Variants in FNDC3A observed in about 807,000 individuals in gnomAD.
FNDC3A encodes fibronectin type III domain containing 3A.
A neutral mutation model predicts 148.9 loss-of-function variants in FNDC3A; 32 were observed. The ratio of observed to expected loss-of-function variants is 0.21; its 90% confidence interval spans 0.16 to 0.29. The LOEUF is 0.29. Ranked by LOEUF, FNDC3A falls within the 10% of genes least tolerant of loss-of-function variation. The pLI, the probability that FNDC3A is intolerant of heterozygous loss-of-function variation, is 1.00. For missense variants in FNDC3A, 1,191 were observed against 1,452.8 expected (o/e 0.82, Z 2.93); for synonymous variants, 472 against 473.6 (o/e 1.00, Z 0.04).
At chr13:49,108,573 A>G (rs947220887) in intron 3 of FNDC3A, among the ~76,000 whole-genome samples, 1 of 151,964 alleles carries the variant, frequency 6.6e-6, no homozygotes, top group Non-Finnish European at 1.5e-5. Context: ...TTTATAATGG[A>G]AAAAAACTTT....
chr13:49,131,298 A>G lies in FNDC3A; in HGVS notation c.414A>G (p.Ser138=), dbSNP rs750775139. ...CGCCTCCACCACGTCATATGTACTC[A>G]CCCGTGACTGGAGCTGGAGACATGA... ...MMPPPPRHMY[S]PVTGAGDMTT... The change falls in exon 5 of 26, where the codon TCA becomes TCG. Residue 138 remains serine, a synonymous_variant. Transcript: ENST00000492622. 2 of 1,613,922 alleles carry G rather than the reference A, an allele frequency of 1.2e-6. No homozygotes were observed. Among genetic ancestry groups the G allele is most frequent in the Non-Finnish European group, 1.7e-6 (2 of 1,179,956 alleles).
intron 14 of FNDC3A, among the ~76,000 whole-genome samples, chr13:49,184,792 C>CG (rs1885483205): frequency 6.6e-6 from 1 of 152,246 alleles, no homozygotes; most frequent in Middle Eastern, 3.4e-3. Flanking sequence ...TCCCCCTGTG[C>CG]GGTCCCAATG....
chr13:49,030,434 A>G (rs924201048), intron 2 of FNDC3A, among the ~76,000 whole-genome samples: 1 of 152,198 alleles, frequency 6.6e-6, no homozygotes, highest in Non-Finnish European at 1.5e-5. Context: ...GAAAAACAGT[A>G]TGCTTTTCCT....
In FNDC3A at chr13:49,059,839, G is replaced by A. The variant is rs1593530317; in HGVS notation, c.100-15450G>A. Among the ~76,000 whole-genome samples the A allele has an allele frequency of 2.6e-5, 4 of 152,276 alleles. No individual in the cohort carries two copies. In the Middle Eastern group the frequency reaches 0.014, roughly 518 times the overall value. On this transcript the variant is annotated intron_variant, in intron 2 of 25. Coordinates refer to ENST00000492622, the MANE Select transcript of FNDC3A (RefSeq NM_001079673.2). The stretch of plus-strand genomic sequence containing the variant: ...AAGAACTATTACACAGAAAAAGCCA[G>A]TCCAATTAAAACTGGGCAAATGACT...
intron 20 of FNDC3A, among the ~76,000 whole-genome samples, chr13:49,197,208 T>G (rs1886197402): frequency 6.6e-6 from 1 of 152,246 alleles, no homozygotes; most frequent in Non-Finnish European, 1.5e-5. Flanking sequence ...TTATGTGCTT[T>G]GTATTTTTAT....
At chr13:49,081,662 G>GTC in intron 3 of FNDC3A, among the ~76,000 whole-genome samples, 1 of 152,090 alleles carries the variant, frequency 6.6e-6, no homozygotes, top group Admixed American at 6.5e-5. Context: ...ATCATATATA[G>GTC]TCTCTAATTA....
At chr13:49,167,102 A>G in intron 8 of FNDC3A, 142 bp from the exon 9 acceptor site, 1 of 497,902 alleles carries the variant, frequency 2.0e-6, no homozygotes, top group Non-Finnish European at 3.6e-6. Flanking sequence ...GCCAAATTCC[A>G]TATTAGTGGA....
At chr13:49,168,889 T>G (rs1884618823) in intron 10 of FNDC3A, 138 bp downstream of exon 10, 1 of 772,410 alleles carries the variant, frequency 1.3e-6, no homozygotes, top group South Asian at 1.8e-5. Context: ...CAAATGCCTA[T>G]TTAATGTATC....
intron 2 of FNDC3A, among the ~76,000 whole-genome samples, chr13:49,050,805 T>C (rs1875781017): frequency 6.6e-6 from 1 of 152,226 alleles, no homozygotes; most frequent in Non-Finnish European, 1.5e-5. Context: ...TAGTAATTGT[T>C]TTATAAATGT....
intron 10 of FNDC3A, among the ~76,000 whole-genome samples, chr13:49,169,537 A>G (rs1015881325): frequency 2.0e-5 from 3 of 152,028 alleles, no homozygotes; most frequent in African/African-American, 4.8e-5. Flanking sequence ...ACCCCATACC[A>G]CCAGACTCTC....
intron 7 of FNDC3A, 77 bp downstream of exon 7, chr13:49,138,882 T>G: frequency 1.2e-6 from 1 of 817,036 alleles, no homozygotes; most frequent in Non-Finnish European, 1.9e-6. Context: ...AAATGTAGTT[T>G]TTTTCTTTTA....
intron 2 of FNDC3A, among the ~76,000 whole-genome samples, chr13:49,039,243 TTTCTA>T (rs1001961902): frequency 2.0e-5 from 3 of 152,252 alleles, no homozygotes; most frequent in Non-Finnish European, 4.4e-5. Context: ...GGTATAATCT[TTTCTA>T]TAATACCAAT....
chr13:48,980,103 A>G (rs1297186414), intron 1 of FNDC3A, among the ~76,000 whole-genome samples: 1 of 152,114 alleles, frequency 6.6e-6, no homozygotes, highest in Non-Finnish European at 1.5e-5. Context: ...TGCTTCTGTA[A>G]TTGTTATTTT....
At chr13:49,123,855 G>T (rs193100488) in intron 4 of FNDC3A, among the ~76,000 whole-genome samples, 122 of 152,322 alleles carry the variant, frequency 8.0e-4, no homozygotes, top group African/African-American at 2.8e-3. Context: ...CACAGATGCT[G>T]GAGAGATGTG....
intron 19 of FNDC3A, among the ~76,000 whole-genome samples, chr13:49,194,192 G>T (rs1886036719): frequency 6.6e-6 from 1 of 151,930 alleles, no homozygotes; most frequent in Non-Finnish European, 1.5e-5. Context: ...GAACCCAGGA[G>T]GTGGAGGTTG....
chr13:49,137,584 G>C (rs1977260), intron 6 of FNDC3A, among the ~76,000 whole-genome samples: 1 of 152,234 alleles, frequency 6.6e-6, no homozygotes, highest in East Asian at 1.9e-4. Flanking sequence ...GGCTCAAGCA[G>C]TCCACCCACC....
At chr13:49,113,969 G>T (rs1880752327) in intron 3 of FNDC3A, among the ~76,000 whole-genome samples, 1 of 152,164 alleles carries the variant, frequency 6.6e-6, no homozygotes. Flanking sequence ...GTGAAAGGAA[G>T]TGTAGAGTGA....
At chr13:49,105,851 A>G (rs1430222137) in intron 3 of FNDC3A, among the ~76,000 whole-genome samples, 1 of 152,204 alleles carries the variant, frequency 6.6e-6, no homozygotes, top group Non-Finnish European at 1.5e-5. Flanking sequence ...TGGTTGTACC[A>G]TATACTTACC....
At chr13:49,120,950 A>G (rs1044846021) in intron 4 of FNDC3A, among the ~76,000 whole-genome samples, 9 of 152,174 alleles carry the variant, frequency 5.9e-5, no homozygotes, top group Admixed American at 2.6e-4. Context: ...ACAGAAAATT[A>G]ACAAGGATGT....
Sources: allele counts gnomAD v4.1 joint callset (sites outside exome capture counted in the v4.1 genomes callset), GRCh38; gene constraint gnomAD v4.1.1; transcripts MANE v1.5; gene names NCBI Gene and HGNC (gene_info 2026-07-23, HGNC 2026-07-21).